CSMD3: variants seen among roughly 807,000 people sequenced by gnomAD.
CSMD3 encodes CUB and sushi domain-containing protein 3.
Under a neutral mutation model 435.2 loss-of-function variants are expected in CSMD3, and 177 were observed. That is an observed-to-expected ratio of 0.41 (90% CI 0.36 to 0.46). The LOEUF is 0.46. Ranked by LOEUF, CSMD3 falls within the 20% of genes least tolerant of loss-of-function variation. CSMD3 has a pLI of 0.34. For synonymous variants in CSMD3, 1,656 were observed against 1,520.5 expected (o/e 1.09, Z -2.07); for missense variants, 4,265 against 4,504.6 (o/e 0.95, Z 1.52).
chr8:112,839,527 A>G (rs1564012565), intron 11 of CSMD3, among the ~76,000 whole-genome samples: 1 of 151,826 alleles, frequency 6.6e-6, no homozygotes, highest in Non-Finnish European at 1.5e-5. Context: ...GATTTTGAAG[A>G]AAATCCTTGC....
chr8:113,127,328 T>C (rs547523872), intron 4 of CSMD3, among the ~76,000 whole-genome samples: 1 of 152,132 alleles, frequency 6.6e-6, no homozygotes, highest in African/African-American at 2.4e-5. Context: ...CAAAATAAGG[T>C]CATAATTTTC....
At chr8:112,360,598 T>C (rs1438494695) in intron 38 of CSMD3, among the ~76,000 whole-genome samples, 39 of 151,966 alleles carry the variant, frequency 2.6e-4, no homozygotes, top group Non-Finnish European at 2.9e-5. Flanking sequence ...TGGTGATTTG[T>C]ATGTCATTCC....
chr8:113,117,590 A>G (rs2090870453), intron 4 of CSMD3, among the ~76,000 whole-genome samples: 1 of 152,216 alleles, frequency 6.6e-6, no homozygotes, highest in African/African-American at 2.4e-5. Flanking sequence ...ACTATCCTCC[A>G]GACTCCAGAA....
intron 27 of CSMD3, among the ~76,000 whole-genome samples, chr8:112,542,774 G>C (rs1586644629): frequency 6.6e-6 from 1 of 151,896 alleles, no homozygotes; most frequent in East Asian, 1.9e-4. Context: ...TTTTGCAAAA[G>C]AATAAAAAAC....
chr8:113,026,943 GA>G (rs1470577465), intron 5 of CSMD3, among the ~76,000 whole-genome samples: 3 of 152,100 alleles, frequency 2.0e-5, no homozygotes, highest in Admixed American at 2.0e-4. Flanking sequence ...ATAAGAAGCT[GA>G]AAAGATCTGC....
At chr8:113,258,225 T>G (rs1024187760) in intron 3 of CSMD3, among the ~76,000 whole-genome samples, 3 of 152,214 alleles carry the variant, frequency 2.0e-5, no homozygotes, top group African/African-American at 7.2e-5. Context: ...ATTGTATGTT[T>G]TGGAATACAT....
In CSMD3 at chr8:112,552,606, C is replaced by T. The variant is rs1255909158; in HGVS notation, c.4349G>A (p.Gly1450Glu). 6.2e-7 allele frequency: 1 copy of T among 1,612,008 alleles called. No individual in the cohort carries two copies. The highest frequency in any genetic ancestry group is 8.5e-7 in the Non-Finnish European group (1 of 1,178,842). ...RCMWMIEVDP[G>E]NIVSLQFLAF... ...GAAATTCATTTACCTGACAATATTT[C>T]CAGGATCTACCTCAATCATCCACAT... is the stretch of plus-strand genomic sequence containing the variant. Residue 1450 changes from glycine (G) to glutamate (E), a missense_variant, in exon 26 of 71, where the codon GGA (glycine) becomes GAA (glutamate). Gly to Glu is a moderately conservative substitution (Grantham distance 98, BLOSUM62 -2). Transcript: ENST00000297405.
intron 35 of CSMD3, among the ~76,000 whole-genome samples, chr8:112,392,314 C>CAAAAAA (rs1200157495): frequency 1.2e-5 from 1 of 83,978 alleles, no homozygotes; most frequent in Non-Finnish European, 2.2e-5. Flanking sequence ...GGCAATTACT[C>CAAAAAA]AAAAAAAAAA....
At chr8:112,919,376 A>G (rs1587670212) in intron 10 of CSMD3, among the ~76,000 whole-genome samples, 1 of 151,742 alleles carries the variant, frequency 6.6e-6, no homozygotes, top group East Asian at 1.9e-4. Flanking sequence ...GTAATATAAC[A>G]CCTTATTTTT....
At position 113,299,320 on chromosome 8, in the gene CSMD3, T is replaced by C. The variant is rs558026488; in HGVS notation, c.401+15251A>G. Among the ~76,000 whole-genome samples, 95 of 152,332 alleles carry C rather than the reference T, an allele frequency of 6.2e-4. 1 individual carries two copies. The highest frequency in any genetic ancestry group is 2.3e-3 in the African/African-American group (95 of 41,586). ...TTTCCTTTCCTTTTTTTGCTGCTCA[T>C]GCTTATTTGAAAAATATGTGTAGAA... On this transcript the variant is annotated intron_variant, in intron 2 of 70. Coordinates refer to ENST00000297405, the MANE Select transcript of CSMD3 (RefSeq NM_198123.2).
chr8:112,652,484 T>C (rs1319851697), intron 18 of CSMD3, among the ~76,000 whole-genome samples: 5 of 152,206 alleles, frequency 3.3e-5, no homozygotes, highest in African/African-American at 1.2e-4. Flanking sequence ...AAAGTGATTG[T>C]AATGCTTTTG....
rs1473921919 is a variant in CSMD3 at position 112,241,786 on chromosome 8, C to T, written c.10403-1G>A. On this transcript the variant is annotated splice_acceptor_variant, in intron 65 of 70. Transcript: ENST00000297405. LOFTEE classifies it high-confidence loss of function. The stretch of plus-strand genomic sequence containing the variant: ...TCTTTCACCAATATTTTAGAACCAG[C>T]TATGAAAAGAAATAAAGGTGTTTAC... 6.2e-7 allele frequency: 1 copy of T among 1,608,510 alleles called. No homozygotes were observed.
intron 21 of CSMD3, among the ~76,000 whole-genome samples, chr8:112,637,828 A>G (rs2074704279): frequency 1.3e-5 from 2 of 152,062 alleles, no homozygotes; most frequent in Admixed American, 1.3e-4. Context: ...TTCATTTACT[A>G]TTCATGATAA....
rs546754966 is a variant in CSMD3 at position 112,573,933 on chromosome 8, T to C, written c.3886-276A>G. 4.6e-5 allele frequency among the ~76,000 whole-genome samples: 7 copies of C among 152,110 alleles called. No individual in the cohort carries two copies. In the East Asian group the frequency reaches 1.4e-3, roughly 29 times the overall value. ...CTTATTATTTTAAAAATGCTTTTTC[T>C]GGGAGACAATTTAAAATTAAGAATA... On this transcript the variant is annotated intron_variant, in intron 23 of 70. Coordinates refer to ENST00000297405, the MANE Select transcript of CSMD3 (RefSeq NM_198123.2).
intron 22 of CSMD3, among the ~76,000 whole-genome samples, chr8:112,626,542 ATT>A (rs199672616): frequency 4.1e-5 from 6 of 145,618 alleles, no homozygotes; most frequent in South Asian, 4.7e-4. Context: ...CATGGATTTT[ATT>A]TTTAAAAAAT....
At chr8:113,315,741 C>T (rs1451784567) in intron 1 of CSMD3, among the ~76,000 whole-genome samples, 5 of 146,602 alleles carry the variant, frequency 3.4e-5, no homozygotes, top group Middle Eastern at 3.8e-3. Flanking sequence ...TTTTTTGAGA[C>T]AGAATTTTGC....
chr8:113,297,519 A>C (rs1442249918), intron 2 of CSMD3, among the ~76,000 whole-genome samples: 1 of 150,680 alleles, frequency 6.6e-6, no homozygotes, highest in East Asian at 1.9e-4. Flanking sequence ...TACCAAGAAA[A>C]CATTTAGTTT....
intron 3 of CSMD3, among the ~76,000 whole-genome samples, chr8:113,266,181 TAA>T (rs34809876): frequency 1.1e-4 from 15 of 131,820 alleles, no homozygotes; most frequent in South Asian, 4.7e-4. Flanking sequence ...CCCCTAAACT[TAA>T]AAAAAAAAAA....
intron 4 of CSMD3, among the ~76,000 whole-genome samples, chr8:113,121,732 G>T (rs1008353286): frequency 6.6e-6 from 1 of 151,862 alleles, no homozygotes; most frequent in East Asian, 1.9e-4. Flanking sequence ...CAGCATTCAC[G>T]TTCCACTTCT....
Sources: gnomAD v4.1 joint callset for allele counts (sites outside exome capture counted in the v4.1 genomes callset) on GRCh38, gnomAD v4.1.1 for gene constraint, MANE v1.5 for transcripts, NCBI Gene and HGNC (gene_info 2026-07-23, HGNC 2026-07-21) for gene names.